Variants in SH2D4A observed in about 807,000 individuals in gnomAD.
SH2D4A encodes the protein SH2 domain-containing protein 4A.
Under a neutral mutation model 64.7 loss-of-function variants are expected in SH2D4A, and 70 were observed. That is an observed-to-expected ratio of 1.08 (90% CI 0.89 to 1.32). The LOEUF is 1.32. SH2D4A is among the 40% of genes most tolerant of loss of function. The pLI is 0.00. For missense variants in SH2D4A, 706 were observed against 540.1 expected (o/e 1.31, Z -3.04); for synonymous variants, 268 against 200.7 (o/e 1.34, Z -2.83).
intron 9 of SH2D4A, among the ~76,000 whole-genome samples, chr8:19,394,347 T>C (rs1489275177): frequency 6.6e-6 from 1 of 152,172 alleles, no homozygotes; most frequent in South Asian, 2.1e-4. Flanking sequence ...TGAGAATTCA[T>C]AGGCCTTAAG....
chr8:19,314,230 C>T (rs2052046549), intron 1 of SH2D4A, among the ~76,000 whole-genome samples: 2 of 152,144 alleles, frequency 1.3e-5, no homozygotes, highest in Non-Finnish European at 2.9e-5. Flanking sequence ...GAGTGCAGGC[C>T]CCGGGAGGGT....
At position 19,321,253 on chromosome 8, in the gene SH2D4A, G is replaced by A. The variant is rs145171458; in HGVS notation, c.181+1525G>A. On this transcript the variant is annotated intron_variant, in intron 2 of 9. Coordinates refer to ENST00000265807, the MANE Select transcript of SH2D4A (RefSeq NM_022071.4). ...GTTTGAGATGGAGTCTCACTCTGTC[G>A]CCCTGGTTGGAGTGCAGTGGTACAA... is the stretch of plus-strand genomic sequence containing the variant. 6.7e-3 allele frequency among the ~76,000 whole-genome samples: 1,023 copies of A among 151,906 alleles called. 13 individuals carry two copies. The highest frequency in any genetic ancestry group is 8.6e-3 in the Non-Finnish European group (583 of 67,968).
At chr8:19,366,572 G>A (rs187219671) in intron 7 of SH2D4A, among the ~76,000 whole-genome samples, 3 of 152,250 alleles carry the variant, frequency 2.0e-5, no homozygotes, top group Admixed American at 1.3e-4. Context: ...CGAGGTGGGT[G>A]GATCATGAGG....
At chr8:19,314,118 G>A in intron 1 of SH2D4A, 1 of 1,126,004 alleles carries the variant, frequency 8.9e-7, no homozygotes, top group Non-Finnish European at 1.1e-6. Context: ...CTTGCAGGGG[G>A]TGGCGGGGGA....
chr8:19,334,286 C>T (rs1366811768), intron 3 of SH2D4A, among the ~76,000 whole-genome samples: 1 of 152,106 alleles, frequency 6.6e-6, no homozygotes, highest in East Asian at 1.9e-4. Context: ...CCACTAGTGC[C>T]TGTAACTTTA....
chr8:19,392,766 C>G (rs1285767389), intron 8 of SH2D4A, among the ~76,000 whole-genome samples: 1 of 151,540 alleles, frequency 6.6e-6, no homozygotes, highest in Non-Finnish European at 1.5e-5. Flanking sequence ...GAGATGGAGT[C>G]TTGCTCTGTT....
chr8:19,388,617 A>G (rs1378414244), intron 8 of SH2D4A, among the ~76,000 whole-genome samples: 1 of 152,168 alleles, frequency 6.6e-6, no homozygotes, highest in African/African-American at 2.4e-5. Context: ...TTTTAAACAC[A>G]TTTTCCAGAC....
chr8:19,339,135 G>A (rs1230375030), intron 4 of SH2D4A, among the ~76,000 whole-genome samples: 1 of 152,206 alleles, frequency 6.6e-6, no homozygotes, highest in African/African-American at 2.4e-5. Context: ...CTTGGAGTTC[G>A]ATGTTCGAGG....
intron 7 of SH2D4A, among the ~76,000 whole-genome samples, chr8:19,371,931 T>G (rs749421942): frequency 6.6e-6 from 1 of 152,202 alleles, no homozygotes; most frequent in Non-Finnish European, 1.5e-5. Context: ...AATTTTTGAA[T>G]TGACTCTGTT....
rs58915934 is a variant in SH2D4A, at chr8:19,361,191, G to C, written c.595-12G>C. On this transcript the variant is annotated splice_polypyrimidine_tract_variant and intron_variant, in intron 5 of 9. Transcript: ENST00000265807. ...TTTTGTTTTTGTTTTTTTTTGTTTT[G>C]TTTTTAAACAGAAGAAAGAATCTAT... The C allele has an allele frequency of 7.2e-7, 1 of 1,386,946 alleles. No homozygotes were observed. The highest frequency in any genetic ancestry group is 1.0e-6 in the Non-Finnish European group (1 of 1,004,628). The allele number at this position is 1,386,946 out of a possible 1,614,324, so 85.9% of individuals were successfully genotyped here. A position where few individuals can be genotyped will look rare whatever the true frequency, so the allele number is the denominator to read the frequency against.
chr8:19,385,003 T>G (rs1175813918), intron 8 of SH2D4A, among the ~76,000 whole-genome samples: 1 of 152,234 alleles, frequency 6.6e-6, no homozygotes, highest in African/African-American at 2.4e-5. Flanking sequence ...TAATGAACAC[T>G]CTTACTCAAA....
In SH2D4A at chr8:19,373,491, T is replaced by G. The variant is rs769880746; in HGVS notation, c.918-39T>G. ...GACTTTTGAGGGCATTATTTTCAAA[T>G]TAGTTAAATCTAACTTGAAAAACTT... On this transcript the variant is annotated intron_variant, in intron 7 of 9. Transcript: ENST00000265807. The G allele has an allele frequency of 2.0e-6, 3 of 1,501,380 alleles. No individual in the cohort carries two copies. In the South Asian group the frequency reaches 4.1e-5, roughly 21 times the overall value. The allele number at this position is 1,501,380 out of a possible 1,614,324, so 93.0% of individuals were successfully genotyped here.
At chr8:19,337,964 C>T (rs1280282257) in intron 4 of SH2D4A, among the ~76,000 whole-genome samples, 1 of 152,124 alleles carries the variant, frequency 6.6e-6, no homozygotes, top group Non-Finnish European at 1.5e-5. Flanking sequence ...CAGAGTTATG[C>T]TGCCACAAGA....
At chr8:19,390,557 T>A (rs565911377) in intron 8 of SH2D4A, among the ~76,000 whole-genome samples, 12 of 152,168 alleles carry the variant, frequency 7.9e-5, no homozygotes, top group African/African-American at 2.9e-4. Context: ...AAACTGTACA[T>A]TGACCTGTGT....
At chr8:19,352,026 G>A (rs549762119) in intron 4 of SH2D4A, among the ~76,000 whole-genome samples, 14 of 152,218 alleles carry the variant, frequency 9.2e-5, no homozygotes, top group South Asian at 4.1e-4. Flanking sequence ...CAGGTGATCC[G>A]CCTGCCTCAG....
At chr8:19,376,816 G>C (rs1585200568) in intron 8 of SH2D4A, among the ~76,000 whole-genome samples, 1 of 152,096 alleles carries the variant, frequency 6.6e-6, no homozygotes. Flanking sequence ...TGAGCAGTTA[G>C]TTGTCTCCTT....
Position 19,360,892 on chromosome 8 carries a change from G to T in SH2D4A, c.595-311G>T, listed in dbSNP as rs192378246. 3 of 200,332 alleles carry T rather than the reference G, an allele frequency of 1.5e-5. No homozygotes were observed. In the East Asian group the frequency reaches 3.9e-4, roughly 26 times the overall value. The allele number at this position is 200,332 out of a possible 1,614,324, so 12.4% of individuals were successfully genotyped here. On this transcript the variant is annotated intron_variant, in intron 5 of 9. Coordinates refer to ENST00000265807, the MANE Select transcript of SH2D4A (RefSeq NM_022071.4). The stretch of plus-strand genomic sequence containing the variant: ...ACTATATGTTATACACTGTGCCAGG[G>T]ACTTCTTAAGTTATCTAATCCTCAA...
chr8:19,364,693 G>C (rs2052960276), intron 7 of SH2D4A, among the ~76,000 whole-genome samples: 1 of 152,062 alleles, frequency 6.6e-6, no homozygotes, highest in Non-Finnish European at 1.5e-5. Context: ...TATCAAAGTA[G>C]GAACCCAAAG....
At chr8:19,342,622 G>GA (rs1419614757) in intron 4 of SH2D4A, among the ~76,000 whole-genome samples, 2 of 152,162 alleles carry the variant, frequency 1.3e-5, no homozygotes, top group Admixed American at 6.5e-5. Flanking sequence ...CGAGTGGGGG[G>GA]ATCCTGTTCC....
Sources: allele counts gnomAD v4.1 joint callset (sites outside exome capture counted in the v4.1 genomes callset), GRCh38; gene constraint gnomAD v4.1.1; transcripts MANE v1.5; gene names NCBI Gene and HGNC (gene_info 2026-07-23, HGNC 2026-07-21).